The following REDIC1 variants were observed in gnomAD, a reference collection of about 807,000 sequenced individuals.
REDIC1 encodes the protein regulator of DNA class I crossover intermediates 1, also known as HEI10 Interacting Protein 1.
the REDIC1 span, among the ~76,000 whole-genome samples, chr12:39,832,382 T>C: frequency 1.3e-5 from 2 of 152,198 alleles, no homozygotes; most frequent in African/African-American, 2.4e-5. Context: ...GAAATTATTC[T>C]CAATTTTATT....
the REDIC1 span, among the ~76,000 whole-genome samples, chr12:39,892,901 C>G: frequency 1.3e-5 from 2 of 152,052 alleles, no homozygotes; most frequent in African/African-American, 4.8e-5. Context: ...AGCTTTAACA[C>G]TGTCATGTTA....
the REDIC1 span, among the ~76,000 whole-genome samples, chr12:39,707,843 A>G: frequency 6.6e-6 from 1 of 151,906 alleles, no homozygotes; most frequent in Non-Finnish European, 1.5e-5. Context: ...AAAAAGAATG[A>G]TCCTGTCATT....
the REDIC1 span, among the ~76,000 whole-genome samples, chr12:39,906,734 A>C: frequency 6.6e-6 from 1 of 152,112 alleles, no homozygotes; most frequent in Non-Finnish European, 1.5e-5. Context: ...ATTCTTATTA[A>C]AGTGAGAGCT....
the REDIC1 span, among the ~76,000 whole-genome samples, chr12:39,782,000 A>T: frequency 1.3e-5 from 2 of 152,190 alleles, no homozygotes; most frequent in Non-Finnish European, 2.9e-5. Flanking sequence ...ACTGAAAATT[A>T]CCCAACATCT....
the REDIC1 span, among the ~76,000 whole-genome samples, chr12:39,700,138 T>C: frequency 7.2e-5 from 11 of 152,096 alleles, no homozygotes; most frequent in South Asian, 6.2e-4. Flanking sequence ...ATCAAATTAC[T>C]CCGAGCTATG....
the REDIC1 span, chr12:39,650,226 T>A: frequency 6.9e-7 from 1 of 1,447,348 alleles, no homozygotes. The surrounding 1 kb of genome is among the most constrained non-coding windows in gnomAD (Gnocchi z 4.3). Flanking sequence ...TTTCTTCAAA[T>A]TTTTTTTTTC....
the REDIC1 span, among the ~76,000 whole-genome samples, chr12:39,815,732 A>G: frequency 1.3e-5 from 2 of 152,340 alleles, no homozygotes; most frequent in African/African-American, 4.8e-5. Flanking sequence ...GCTGAAAAGT[A>G]TCTTGATATA....
At chr12:39,737,410 A>G in the REDIC1 span, among the ~76,000 whole-genome samples, 1 of 152,210 alleles carries the variant, frequency 6.6e-6, no homozygotes, top group East Asian at 1.9e-4. Flanking sequence ...GATGATAACT[A>G]TAAACTATAT....
the REDIC1 span, among the ~76,000 whole-genome samples, chr12:39,714,451 CGTT>C: frequency 4.0e-5 from 6 of 151,184 alleles, no homozygotes; most frequent in Non-Finnish European, 7.4e-5. Flanking sequence ...TTCATCCACT[CGTT>C]GATTGATGGG....
At chr12:39,814,796 T>C in the REDIC1 span, among the ~76,000 whole-genome samples, 1 of 151,992 alleles carries the variant, frequency 6.6e-6, no homozygotes, top group Non-Finnish European at 1.5e-5. Flanking sequence ...TGTCACAATA[T>C]GCATTATCAC....
chr12:39,695,296 T>C, the REDIC1 span, among the ~76,000 whole-genome samples: 1 of 152,198 alleles, frequency 6.6e-6, no homozygotes, highest in African/African-American at 2.4e-5. Context: ...AAGTAGGCTC[T>C]TGGGGTCCCC....
chr12:39,884,568 T>C, the REDIC1 span, among the ~76,000 whole-genome samples: 2 of 152,178 alleles, frequency 1.3e-5, no homozygotes, highest in Non-Finnish European at 2.9e-5. Flanking sequence ...ATTCAGGACG[T>C]ACTATGTGCC....
chr12:39,760,383 T>C, the REDIC1 span: 14 of 696,056 alleles, frequency 2.0e-5, no homozygotes, highest in South Asian at 2.8e-4. Context: ...GACCAAAAAA[T>C]TACTATGAAC....
At chr12:39,798,303 G>A in the REDIC1 span, among the ~76,000 whole-genome samples, 1 of 152,162 alleles carries the variant, frequency 6.6e-6, no homozygotes, top group East Asian at 1.9e-4. Context: ...GCTTCTCCTG[G>A]ATTTGTGACC....
chr12:39,706,277 G>C, the REDIC1 span, among the ~76,000 whole-genome samples: 1 of 151,802 alleles, frequency 6.6e-6, no homozygotes, highest in Non-Finnish European at 1.5e-5. Flanking sequence ...CAATAATAAA[G>C]ACTATAAAAC....
At chr12:39,726,749 A>T in the REDIC1 span, among the ~76,000 whole-genome samples, 1 of 152,198 alleles carries the variant, frequency 6.6e-6, no homozygotes, top group Non-Finnish European at 1.5e-5. Flanking sequence ...ACTGTCTTCC[A>T]CAATGGTTGA....
At chr12:39,858,854 C>T in the REDIC1 span, among the ~76,000 whole-genome samples, 1 of 152,180 alleles carries the variant, frequency 6.6e-6, no homozygotes, top group Non-Finnish European at 1.5e-5. Flanking sequence ...GATCCACCCG[C>T]TTTGGCCTCC....
chr12:39,880,135 C>T, the REDIC1 span, among the ~76,000 whole-genome samples: 2 of 152,170 alleles, frequency 1.3e-5, no homozygotes, highest in Non-Finnish European at 2.9e-5. Flanking sequence ...TTCCCAAGGC[C>T]TCCCCAGAAG....
At chr12:39,679,257 C>A in the REDIC1 span, among the ~76,000 whole-genome samples, 1 of 152,060 alleles carries the variant, frequency 6.6e-6, no homozygotes, top group East Asian at 1.9e-4. Flanking sequence ...CCTGGAAAAC[C>A]CTAAGGACTT....
Sources: allele counts gnomAD v4.1 joint callset (sites outside exome capture counted in the v4.1 genomes callset), GRCh38; gene constraint gnomAD v4.1.1; non-coding constraint Gnocchi (gnomAD v3.1); transcripts MANE v1.5; gene names NCBI Gene and HGNC (gene_info 2026-07-23, HGNC 2026-07-21).